Variants in STRBP observed in about 807,000 individuals in gnomAD.
STRBP encodes the protein spermatid perinuclear RNA-binding protein.
Under a neutral mutation model 80.1 loss-of-function variants are expected in STRBP, and 13 were observed. The observed-to-expected ratio is 0.16, with a 90% CI of 0.11 to 0.26. The LOEUF (loss-of-function observed/expected upper bound fraction) is 0.26. Among genes scored for constraint, STRBP ranks in the 10% least tolerant of loss-of-function variants. STRBP has a pLI of 1.00. For synonymous variants in STRBP, 284 were observed against 291.2 expected (o/e 0.98, Z 0.25); for missense variants, 485 against 815.2 (o/e 0.59, Z 4.93).
Position 123,125,459 on chromosome 9 carries a change from C to T in STRBP, c.*138G>A. On this transcript the variant is annotated 3_prime_UTR_variant, in exon 19 of 19. Transcript: ENST00000348403. ...GAACTAAATTTGCATTTGTTAAAAT[C>T]AAAAAGTAGGAAAGATGTTCTTTAC... 1 of 1,250,206 alleles carries T rather than the reference C, an allele frequency of 8.0e-7. No individual in the cohort carries two copies. Among genetic ancestry groups the T allele is most frequent in the Admixed American group, 3.8e-5 (1 of 26,564 alleles). 77.4% of individuals were successfully genotyped at this position (1,250,206 alleles called of 1,614,324 possible).
Position 123,136,095 on chromosome 9 carries a change from T to C in STRBP, c.1719A>G (p.Lys573=). 1 of 1,614,184 alleles carries C rather than the reference T, an allele frequency of 6.2e-7. No individual in the cohort carries two copies. Among genetic ancestry groups the C allele is most frequent in the Non-Finnish European group, 8.5e-7 (1 of 1,180,022 alleles). Residue 573 remains lysine, a synonymous_variant, in exon 16 of 19, where the codon AAA becomes AAG. Coordinates refer to ENST00000348403, the MANE Select transcript of STRBP (RefSeq NM_018387.5). This position sits in a 1 kb window ranked among gnomAD's most constrained non-coding sequence, Gnocchi z 4.2. ...KASAALAALE[K]LFSGPNAANN... ...TTGCCGCATTGGGTCCAGAAAACAGTTTCTCCAAGGCAGCTAAAGCTGCAC... is the reference window on the plus strand; with the variant it reads ...TTGCCGCATTGGGTCCAGAAAACAGCTTCTCCAAGGCAGCTAAAGCTGCAC...
intron 3 of STRBP, among the ~76,000 whole-genome samples, chr9:123,180,243 A>G (rs531725517): frequency 2.8e-4 from 43 of 152,368 alleles, no homozygotes; most frequent in African/African-American, 8.2e-4. Flanking sequence ...CAACAGAGTA[A>G]GACCCAGGTC....
chr9:123,125,757 A>G (rs2035870517), intron 18 of STRBP, 84 bp from the exon 19 acceptor site: 2 of 1,097,778 alleles, frequency 1.8e-6, no homozygotes, highest in Admixed American at 2.1e-5. Context: ...TCTGACAGTA[A>G]TTATCATTAA....
intron 2 of STRBP, among the ~76,000 whole-genome samples, chr9:123,226,494 G>A (rs2040240312): frequency 6.6e-6 from 1 of 152,158 alleles, no homozygotes. Flanking sequence ...TGCCTTGAAG[G>A]TTAAAGAGAT....
intron 13 of STRBP, among the ~76,000 whole-genome samples, chr9:123,146,378 T>C (rs1360955824): frequency 2.0e-5 from 3 of 151,752 alleles, no homozygotes; most frequent in Non-Finnish European, 2.9e-5. Context: ...TATCCAATGA[T>C]AGGAGAATGT....
rs1377653195 is a variant in STRBP, at chr9:123,126,122, T to TG, written c.1943-450dup. On this transcript the variant is annotated intron_variant, in intron 18 of 18. Coordinates refer to ENST00000348403, the MANE Select transcript of STRBP (RefSeq NM_018387.5). The surrounding 1 kb of genome is among the most constrained non-coding windows in gnomAD (Gnocchi z 4.4). ...GCCAGGCGTTTACTTAACTTCTTAATGGCTATGGCCAATATTGGCATGGCA... is the reference window on the plus strand; with the variant it reads ...GCCAGGCGTTTACTTAACTTCTTAATGGGCTATGGCCAATATTGGCATGGCA... 6.6e-6 allele frequency among the ~76,000 whole-genome samples: 1 copy of TG among 152,248 alleles called. No homozygotes were observed. The highest frequency in any genetic ancestry group is 1.9e-4 in the East Asian group (1 of 5,198).
At chr9:123,157,477 G>A (rs1405235650) in intron 11 of STRBP, among the ~76,000 whole-genome samples, 1 of 152,144 alleles carries the variant, frequency 6.6e-6, no homozygotes, top group East Asian at 1.9e-4. Context: ...AAGAACAGAA[G>A]AGAAGAAAGT....
rs1348505665 is a variant in STRBP at position 123,179,065 on chromosome 9, T to G, written c.166A>C (p.Thr56Pro). 3.1e-6 allele frequency: 5 copies of G among 1,614,174 alleles called. No individual in the cohort carries two copies. The Admixed American group carries it at 5.0e-5, about 16-fold the overall frequency. Residue 56 changes from threonine (T) to proline (P), a missense_variant, in exon 4 of 19, where the codon ACA (threonine) becomes CCA (proline). This residue lies in a region of STRBP where 377 missense variants were observed against 616.1 expected (regional missense o/e 0.61). Coordinates refer to ENST00000348403, the MANE Select transcript of STRBP (RefSeq NM_018387.5). ...ACTTCTGTCTCACCCTCTGTTTTTG[T>G]GCCTTTATTTGTTTCATCCAACCAA... ...SDWLDETNKG[T>P]KTEGETEVKK...
At chr9:123,203,697 C>T (rs757112991) in intron 2 of STRBP, among the ~76,000 whole-genome samples, 26 of 152,246 alleles carry the variant, frequency 1.7e-4, no homozygotes, top group South Asian at 4.1e-4. Context: ...CTCGGCCAGG[C>T]GCGGTGGCTC....
In STRBP at chr9:123,160,423, G is replaced by A. The variant is rs749053751; in HGVS notation, c.667C>T (p.Arg223Cys). 3.1e-6 allele frequency: 5 copies of A among 1,604,972 alleles called. No individual in the cohort carries two copies. Among genetic ancestry groups the A allele is most frequent in the Non-Finnish European group, 3.4e-6 (4 of 1,173,648 alleles). ...CTGTTGCACAAATCACGCAGAATGCGGAGGACAATTACACATGATTTTAAT... is the reference window on the plus strand; with the variant it reads ...CTGTTGCACAAATCACGCAGAATGCAGAGGACAATTACACATGATTTTAAT... ...NGLKSCVIVL[R>C]ILRDLCNRVP... Residue 223 changes from arginine to cysteine, a missense_variant, in exon 8 of 19, where the codon CGC becomes TGC. Physicochemically the swap from Arg to Cys is radical, Grantham distance 180 (BLOSUM62 -3). Around this residue, in one of 3 missense-constraint regions of STRBP, gnomAD observed 377 missense variants for 616.1 expected, o/e 0.61. Coordinates refer to ENST00000348403, the MANE Select transcript of STRBP (RefSeq NM_018387.5).
chr9:123,242,738 AAGGG>A (rs2040721287), intron 1 of STRBP, among the ~76,000 whole-genome samples: 1 of 152,194 alleles, frequency 6.6e-6, no homozygotes, highest in African/African-American at 2.4e-5. Flanking sequence ...TAACACCAAA[AAGGG>A]AGGGAGGGCT....
intron 3 of STRBP, chr9:123,111,921 G>A (rs75170643): frequency 0.049 from 10,288 of 209,158 alleles, 286 homozygotes; most frequent in Middle Eastern, 0.12. Flanking sequence ...CCACCCAGGG[G>A]CAACTCTTCC....
At chr9:123,116,299 A>G (rs923705685) in intron 2 of STRBP, among the ~76,000 whole-genome samples, 4 of 152,168 alleles carry the variant, frequency 2.6e-5, no homozygotes, top group Non-Finnish European at 5.9e-5. Context: ...GGCGGAACAT[A>G]AAACACATAC....
chr9:123,194,866 C>T (rs941284488), intron 2 of STRBP, among the ~76,000 whole-genome samples: 1 of 152,152 alleles, frequency 6.6e-6, no homozygotes, highest in Non-Finnish European at 1.5e-5. Context: ...TCCCTTGTAT[C>T]CTTTTCTTCT....
intron 2 of STRBP, among the ~76,000 whole-genome samples, chr9:123,186,339 C>A (rs914401773): frequency 6.6e-6 from 1 of 152,098 alleles, no homozygotes; most frequent in African/African-American, 2.4e-5. Flanking sequence ...CAGAGCAAGA[C>A]CCTGGTCTCA....
chr9:123,129,013 T>C (rs1422381664), intron 17 of STRBP, among the ~76,000 whole-genome samples: 1 of 152,210 alleles, frequency 6.6e-6, no homozygotes, highest in Non-Finnish European at 1.5e-5. Context: ...GAAGCTGCAA[T>C]CTTTTTACTC....
chr9:123,153,122 TA>T (rs1374308967), intron 11 of STRBP, among the ~76,000 whole-genome samples: 1 of 151,428 alleles, frequency 6.6e-6, no homozygotes, highest in Non-Finnish European at 1.5e-5. Context: ...GTGACTGCAA[TA>T]ATCCAGGTGA....
downstream of STRBP, among the ~76,000 whole-genome samples, chr9:123,117,987 T>A (rs1284641481): frequency 1.3e-5 from 2 of 152,200 alleles, no homozygotes; most frequent in Admixed American, 6.5e-5. Flanking sequence ...AAGAGCCCTA[T>A]TTTAGGCCAG....
In STRBP at chr9:123,247,048, C is replaced by A. The variant is rs536273547; in HGVS notation, c.-301-10082G>T. Among the ~76,000 whole-genome samples the A allele has an allele frequency of 4.6e-5, 7 of 151,902 alleles. No individual in the cohort carries two copies. In the South Asian group the frequency reaches 1.5e-3, roughly 32 times the overall value. On this transcript the variant is annotated intron_variant, in intron 1 of 18. Transcript: ENST00000348403. ...CATCAGGCAATTAATTAAATAACAA[C>A]AATAATTTAAAAAAAAGTTTTGAAA...
Sources: gnomAD v4.1 joint callset for allele counts (sites outside exome capture counted in the v4.1 genomes callset) on GRCh38, gnomAD v4.1.1 for gene constraint, gnomAD v4.1.1 regional missense constraint, Gnocchi (gnomAD v3.1) non-coding constraint, MANE v1.5 for transcripts, NCBI Gene and HGNC (gene_info 2026-07-23, HGNC 2026-07-21) for gene names.